The following TTC4 variants were observed in gnomAD, a reference collection of about 807,000 sequenced individuals.
The protein encoded by TTC4 is hsp70/Hsp90 co-chaperone CNS1 homolog.
Under a neutral mutation model 51.9 loss-of-function variants are expected in TTC4, and 36 were observed. That is an observed-to-expected ratio of 0.69 (90% CI 0.53 to 0.92). The LOEUF (loss-of-function observed/expected upper bound fraction) is 0.92. Ranked by LOEUF, TTC4 falls within the 40% of genes least tolerant of loss-of-function variation. TTC4 has a pLI of 0.00. For synonymous variants in TTC4, 144 were observed against 164.2 expected, an observed-to-expected ratio of 0.88 and a Z score of 0.94; for missense variants, 399 against 454.6, an observed-to-expected ratio of 0.88 and a Z score of 1.11.
intron 5 of TTC4, among the ~76,000 whole-genome samples, chr1:54,723,218 G>C (rs1645764199): frequency 1.3e-5 from 2 of 152,200 alleles, no homozygotes; most frequent in Non-Finnish European, 2.9e-5. Flanking sequence ...GGTGCAATAG[G>C]CTGTACCATA....
intron 6 of TTC4, among the ~76,000 whole-genome samples, chr1:54,730,280 CTTTTT>C (rs746084756): frequency 7.5e-6 from 1 of 133,202 alleles, no homozygotes. Context: ...TGCATAAATC[CTTTTT>C]TTTTTTTTTT....
intron 6 of TTC4, 70 bp from the exon 7 acceptor site, chr1:54,731,416 T>G (rs1645864049): frequency 3.5e-6 from 5 of 1,439,292 alleles, no homozygotes; most frequent in African/African-American, 1.4e-5. Context: ...TTTATTTCAG[T>G]AAAATGGGTT....
chr1:54,740,569 C>T (rs1022381760), intron 9 of TTC4, among the ~76,000 whole-genome samples: 6 of 152,158 alleles, frequency 3.9e-5, no homozygotes, highest in African/African-American at 1.4e-4. Context: ...AAACCCGTTT[C>T]ATGCTTCTCA....
chr1:54,729,608 TTGAAA>T (rs1645840905), intron 6 of TTC4, among the ~76,000 whole-genome samples: 1 of 152,214 alleles, frequency 6.6e-6, no homozygotes, highest in African/African-American at 2.4e-5. Flanking sequence ...TTTCTGTATT[TTGAAA>T]TATATATAGT....
rs200071359 is a variant in TTC4 at position 54,717,552 on chromosome 1, A to C, written c.290A>C (p.Lys97Thr). The change falls in exon 3 of 10, where the codon AAA becomes ACA. Residue 97 changes from lysine (K) to threonine (T), a missense_variant. Lys to Thr is a moderately conservative substitution (Grantham distance 78). Coordinates refer to ENST00000371281, the MANE Select transcript of TTC4 (RefSeq NM_004623.5). ...NDYFKEKDYK[K>T]AVISYTEGLK... ...TACTTTAAAGAAAAAGACTACAAGA[A>C]AGCTGTAATTTCATACACTGAAGGC... 1.2e-6 allele frequency: 2 copies of C among 1,611,374 alleles called. No homozygotes were observed. The highest frequency in any genetic ancestry group is 2.7e-5 in the African/African-American group (2 of 74,938).
intron 5 of TTC4, among the ~76,000 whole-genome samples, chr1:54,728,068 T>TA (rs1645822946): frequency 6.6e-6 from 1 of 152,232 alleles, no homozygotes; most frequent in South Asian, 2.1e-4. Context: ...ATCCACCTGT[T>TA]ATACTGGCTC....
chr1:54,729,883 G>C (rs762116551), intron 6 of TTC4, among the ~76,000 whole-genome samples: 8 of 152,136 alleles, frequency 5.3e-5, no homozygotes, highest in Non-Finnish European at 1.2e-4. Flanking sequence ...ACCATGCCCA[G>C]CTAATTTTTG....
chr1:54,718,480 C>T (rs1645702495), intron 3 of TTC4, among the ~76,000 whole-genome samples: 1 of 152,078 alleles, frequency 6.6e-6, no homozygotes. Context: ...AAATTGGGCT[C>T]AAGTGATCCA....
chr1:54,737,565 T>G lies in TTC4; in HGVS notation c.979-17T>G. 6.2e-7 allele frequency: 1 copy of G among 1,612,918 alleles called. No homozygotes were observed. On this transcript the variant is annotated splice_polypyrimidine_tract_variant and intron_variant, in intron 8 of 9. Coordinates refer to ENST00000371281, the MANE Select transcript of TTC4 (RefSeq NM_004623.5). Reference sequence around the variant, plus strand: ...AAGCCTTTATCTCTGACTCTTGCCCTTCTGTTAATCTTGCAGGTCTACTTT... The same window carrying G: ...AAGCCTTTATCTCTGACTCTTGCCCGTCTGTTAATCTTGCAGGTCTACTTT...
At chr1:54,739,783 A>C (rs965055557) in intron 9 of TTC4, among the ~76,000 whole-genome samples, 1 of 152,246 alleles carries the variant, frequency 6.6e-6, no homozygotes, top group African/African-American at 2.4e-5. Context: ...TAGAAAGCTA[A>C]GTTAGGGCCA....
chr1:54,719,432 G>A (rs1181713365), intron 3 of TTC4, among the ~76,000 whole-genome samples: 1 of 148,812 alleles, frequency 6.7e-6, no homozygotes, highest in Non-Finnish European at 1.5e-5. Flanking sequence ...AATGTGTTCT[G>A]TGTTCTTCTC....
intron 9 of TTC4, 115 bp from the exon 10 acceptor site, chr1:54,741,296 G>A (rs1646007051): frequency 3.4e-6 from 3 of 883,216 alleles, no homozygotes; most frequent in Non-Finnish European, 5.8e-6. Flanking sequence ...TGCTAAACTT[G>A]CATTTTCATG....
chr1:54,733,776 G>T, intron 8 of TTC4, 66 bp downstream of exon 8: 1 of 945,902 alleles, frequency 1.1e-6, no homozygotes, highest in Non-Finnish European at 1.5e-6. Flanking sequence ...TTTTTTTTGC[G>T]GCGGGGGAAG....
At chr1:54,716,191 T>C in intron 1 of TTC4, 172 bp downstream of exon 1, 1 of 619,956 alleles carries the variant, frequency 1.6e-6, no homozygotes, top group Non-Finnish European at 2.9e-6. Context: ...CTTCTTAAGC[T>C]GAGAACCTAG....
intron 8 of TTC4, among the ~76,000 whole-genome samples, chr1:54,735,119 C>A (rs566595673): frequency 1.3e-5 from 2 of 152,112 alleles, no homozygotes; most frequent in Non-Finnish European, 2.9e-5. Context: ...TGTGACTCAA[C>A]TGCAGGACAC....
At chr1:54,734,388 TTATTTA>T (rs1169798479) in intron 8 of TTC4, among the ~76,000 whole-genome samples, 16 of 151,196 alleles carry the variant, frequency 1.1e-4, no homozygotes, top group Non-Finnish European at 2.4e-4. Flanking sequence ...GTTTTCCTTT[TTATTTA>T]TTTTTATTTT....
chr1:54,730,008 A>G (rs993791432), intron 6 of TTC4, among the ~76,000 whole-genome samples: 1 of 152,224 alleles, frequency 6.6e-6, no homozygotes, highest in African/African-American at 2.4e-5. Context: ...GGCGTGAGCC[A>G]CGGTGCCCAA....
At chr1:54,724,050 C>T (rs1645773371) in intron 5 of TTC4, among the ~76,000 whole-genome samples, 1 of 152,092 alleles carries the variant, frequency 6.6e-6, no homozygotes, top group Non-Finnish European at 1.5e-5. Context: ...TGGGGACAGT[C>T]ACAATTAAAG....
intron 5 of TTC4, 44 bp downstream of exon 5, chr1:54,722,843 T>C (rs2101311619): frequency 6.4e-7 from 1 of 1,556,836 alleles, no homozygotes; most frequent in Non-Finnish European, 8.6e-7. Flanking sequence ...TAATTAGCAG[T>C]AATTAGCATT....
Sources: gnomAD v4.1 joint callset for allele counts (sites outside exome capture counted in the v4.1 genomes callset) on GRCh38, gnomAD v4.1.1 for gene constraint, MANE v1.5 for transcripts, NCBI Gene and HGNC (gene_info 2026-07-23, HGNC 2026-07-21) for gene names.